Variants in PRDM4 observed in about 807,000 individuals in gnomAD.
PRDM4 encodes the protein PR/SET domain 4, also known as PR domain zinc finger protein 4.
Under a neutral mutation model 62.3 loss-of-function variants are expected in PRDM4, and 38 were observed. That is an observed-to-expected ratio of 0.61 (90% CI 0.47 to 0.80). The LOEUF (loss-of-function observed/expected upper bound fraction) is 0.80, where lower values mean the gene tolerates loss of function less well. Among genes scored for constraint, PRDM4 ranks in the 30% least tolerant of loss-of-function variants. PRDM4 has a pLI of 0.00. For missense variants in PRDM4, 858 were observed against 997.1 expected, an observed-to-expected ratio of 0.86 and a Z score of 1.88; for synonymous variants, 339 against 348.2, an observed-to-expected ratio of 0.97 and a Z score of 0.30.
chr12:107,758,770 T>G (rs1368150158), intron 2 of PRDM4, among the ~76,000 whole-genome samples: 7 of 152,182 alleles, frequency 4.6e-5, no homozygotes, highest in African/African-American at 1.4e-4. Context: ...TGGCCATGGA[T>G]CCCATAAAAC....
At chr12:107,752,367 A>G (rs948863588) in intron 4 of PRDM4, among the ~76,000 whole-genome samples, 158 bp from the exon 5 acceptor site, 1 of 152,158 alleles carries the variant, frequency 6.6e-6, no homozygotes, top group African/African-American at 2.4e-5. Context: ...AGCAACATAC[A>G]TATACCGTAA....
Position 107,734,427 on chromosome 12 carries a change from T to A in PRDM4, c.2189A>T (p.Tyr730Phe), listed in dbSNP as rs762701897. The change falls in exon 12 of 12, where the codon TAT (tyrosine) becomes TTT (phenylalanine). Residue 730 changes from tyrosine (Y) to phenylalanine (F), a missense_variant. Physicochemically the swap from Tyr to Phe is conservative, Grantham distance 22. Around this residue, in one of 3 missense-constraint regions of PRDM4, gnomAD observed 355 missense variants for 432.6 expected, o/e 0.82. Coordinates refer to ENST00000228437, the MANE Select transcript of PRDM4 (RefSeq NM_012406.4). ...AGCCTTTGTACATTTTTCACAGACA[T>A]AATCCCGTTTTCCTTCATGAGAATT... is the stretch of plus-strand genomic sequence containing the variant. Reference protein sequence around the residue: ...HLNSHEGKRDYVCEKCTKAYL... With the variant: ...HLNSHEGKRDFVCEKCTKAYL... 6.2e-7 allele frequency: 1 copy of A among 1,614,170 alleles called. No homozygotes were observed. Among genetic ancestry groups the A allele is most frequent in the Admixed American group, 1.7e-5 (1 of 60,016 alleles).
intron 2 of PRDM4, 24 bp downstream of exon 2, chr12:107,760,481 G>T (rs1039889392): frequency 6.2e-7 from 1 of 1,613,330 alleles, no homozygotes; most frequent in Non-Finnish European, 8.5e-7. Context: ...TGTCACCAGT[G>T]CTGAAGCCCA....
At chr12:107,748,703 G>C (rs559314760) in intron 5 of PRDM4, among the ~76,000 whole-genome samples, 1 of 152,206 alleles carries the variant, frequency 6.6e-6, no homozygotes, top group African/African-American at 2.4e-5. Flanking sequence ...GTGACTAATG[G>C]TTATGAAGTT....
At position 107,745,034 on chromosome 12, in the gene PRDM4, T is replaced by G. The variant is rs138196008; in HGVS notation, c.1277-373A>C. Among the ~76,000 whole-genome samples, 538 of 152,220 alleles carry G rather than the reference T, an allele frequency of 3.5e-3. 3 individuals carry two copies. Among genetic ancestry groups the G allele is most frequent in the African/African-American group, 0.012 (489 of 41,534 alleles). On this transcript the variant is annotated intron_variant, in intron 6 of 11. Coordinates refer to ENST00000228437, the MANE Select transcript of PRDM4 (RefSeq NM_012406.4). The stretch of plus-strand genomic sequence containing the variant: ...GAGATAGGGCCAATGCACTCCAGCC[T>G]GGGTGACAAAGCGAGACTCTGTCTC...
At chr12:107,739,681 T>C (rs1458342481) in intron 10 of PRDM4, 130 bp from the exon 11 acceptor site, 2 of 918,120 alleles carry the variant, frequency 2.2e-6, no homozygotes, top group Non-Finnish European at 3.2e-6. Flanking sequence ...AGCATTTTAC[T>C]TTCTAGGGTT....
chr12:107,749,931 T>A (rs1430633833), intron 5 of PRDM4, among the ~76,000 whole-genome samples: 1 of 152,148 alleles, frequency 6.6e-6, no homozygotes, highest in Non-Finnish European at 1.5e-5. Flanking sequence ...ATTCTTTTGG[T>A]TCTAGGCACT....
At chr12:107,760,442 G>A (rs917220599) in intron 2 of PRDM4, 63 bp downstream of exon 2, 22 of 1,604,798 alleles carry the variant, frequency 1.4e-5, no homozygotes, top group African/African-American at 2.7e-5. Context: ...CACTGACCCT[G>A]GACACTCACT....
Position 107,760,531 on chromosome 12 carries a change from T to C in PRDM4, c.-16A>G, listed in dbSNP as rs749055652. On this transcript the variant is annotated 5_prime_UTR_variant, in exon 2 of 12. The change creates a new upstream start codon in the 5' untranslated region. Coordinates refer to ENST00000228437, the MANE Select transcript of PRDM4 (RefSeq NM_012406.4). ...TGTGATGCATCGGCTTGGGGCCAAA[T>C]ATCAGAGAAAGGAGCGCTCGGGTGG... 3.7e-6 allele frequency: 6 copies of C among 1,613,132 alleles called. No individual in the cohort carries two copies. Among genetic ancestry groups the C allele is most frequent in the Non-Finnish European group, 5.1e-6 (6 of 1,179,598 alleles).
At position 107,733,376 on chromosome 12, in the gene PRDM4, A is replaced by T. The variant is rs1444334748; in HGVS notation, c.*834T>A. The T allele has an allele frequency of 7.3e-6, 1 of 136,524 alleles. No homozygotes were observed. The highest frequency in any genetic ancestry group is 1.7e-5 in the Non-Finnish European group (1 of 57,402). The allele number at this position is 136,524 out of a possible 1,614,324, so 8.5% of individuals were successfully genotyped here. On this transcript the variant is annotated 3_prime_UTR_variant, in exon 12 of 12. Coordinates refer to ENST00000228437, the MANE Select transcript of PRDM4 (RefSeq NM_012406.4). ...AGTCCACATGTACTCATCAGGAGAC[A>T]ATCCAGCAGGCATTATTTGGGCTCT...
intron 3 of PRDM4, among the ~76,000 whole-genome samples, chr12:107,754,373 TTTAA>T (rs746130438): frequency 4.8e-4 from 73 of 152,224 alleles, no homozygotes; most frequent in Non-Finnish European, 7.9e-4. Context: ...TACAAAAATA[TTTAA>T]TTAATTAATT....
intron 8 of PRDM4, 64 bp downstream of exon 8, chr12:107,743,133 C>T: frequency 1.5e-6 from 2 of 1,336,354 alleles, no homozygotes; most frequent in East Asian, 2.3e-5. Flanking sequence ...TTCTTTTATG[C>T]AAAGCTTCCT....
At chr12:107,734,668 A>G in intron 11 of PRDM4, 146 bp from the exon 12 acceptor site, 2 of 718,268 alleles carry the variant, frequency 2.8e-6, no homozygotes, top group Non-Finnish European at 4.6e-6. Flanking sequence ...CAGAAGACTC[A>G]TAAAACATGT....
chr12:107,760,195 T>A (rs1253687896), intron 2 of PRDM4, among the ~76,000 whole-genome samples: 1 of 152,166 alleles, frequency 6.6e-6, no homozygotes, highest in East Asian at 1.9e-4. Context: ...AGGTGAAGCA[T>A]AATAAGATAA....
chr12:107,739,992 A>G (rs58981531), intron 10 of PRDM4, among the ~76,000 whole-genome samples: 18,690 of 152,154 alleles, frequency 0.12, 1,989 homozygotes, highest in African/African-American at 0.29. Flanking sequence ...CAGGGATGAA[A>G]CAAAATCCTT....
In PRDM4 at chr12:107,733,945, T is replaced by C; in HGVS notation, c.*265A>G. ...AGGCATAAATGCATCTCCCAGATTA[T>C]CATGTAAATAAAGACCTCAGAAGTT... On this transcript the variant is annotated 3_prime_UTR_variant, in exon 12 of 12. Transcript: ENST00000228437. 2.6e-6 allele frequency: 1 copy of C among 381,798 alleles called. No homozygotes were observed. The highest frequency in any genetic ancestry group is 4.7e-6 in the Non-Finnish European group (1 of 214,112). 23.7% of individuals were successfully genotyped at this position (381,798 alleles called of 1,614,324 possible).
At chr12:107,750,169 T>C (rs1204238279) in intron 5 of PRDM4, among the ~76,000 whole-genome samples, 1 of 152,208 alleles carries the variant, frequency 6.6e-6, no homozygotes, top group Non-Finnish European at 1.5e-5. Context: ...CCTACCAGAC[T>C]GTAAGCTCCT....
In PRDM4 at chr12:107,760,730, G is replaced by A. The variant is rs1891218205; in HGVS notation, c.-215C>T. 1 of 573,982 alleles carries A rather than the reference G, an allele frequency of 1.7e-6. No individual in the cohort carries two copies. Among genetic ancestry groups the A allele is most frequent in the South Asian group, 2.1e-5 (1 of 48,066 alleles). 35.6% of individuals were successfully genotyped at this position (573,982 alleles called of 1,614,324 possible). On this transcript the variant is annotated 5_prime_UTR_variant, in exon 2 of 12. An upstream open reading frame in the 5' UTR gains an earlier in-frame stop. Transcript: ENST00000228437. The stretch of plus-strand genomic sequence containing the variant: ...GGTTGGGGCATCTCGGGGAACACCT[G>A]GGGCCTTCCGTCCAGAAGCTTCGGG...
chr12:107,753,890 T>C (rs1349766260), intron 4 of PRDM4, 34 bp downstream of exon 4: 2 of 1,566,628 alleles, frequency 1.3e-6, no homozygotes, highest in African/African-American at 1.4e-5. Context: ...CGCCGTTCTT[T>C]TTCTCTAACA....
Sources: gnomAD v4.1 joint callset for allele counts (sites outside exome capture counted in the v4.1 genomes callset) on GRCh38, gnomAD v4.1.1 for gene constraint, gnomAD v4.1.1 regional missense constraint, MANE v1.5 for transcripts, NCBI Gene and HGNC (gene_info 2026-07-23, HGNC 2026-07-21) for gene names.